The following CACNA1E variants were observed in gnomAD, a reference collection of about 807,000 sequenced individuals.
CACNA1E encodes the protein calcium voltage-gated channel subunit alpha1 E.
In CACNA1E, 40 loss-of-function variants were observed where a neutral mutation model predicts 259.2. That is an observed-to-expected ratio of 0.15 (90% confidence interval 0.12 to 0.20). CACNA1E has a LOEUF of 0.20. CACNA1E is among the 10% of genes least tolerant of loss of function. The pLI is 1.00. For synonymous variants in CACNA1E, 1,104 were observed against 1,138.5 expected (o/e 0.97, Z 0.61); for missense variants, 1,874 against 3,040.1 (o/e 0.62, Z 9.02).
rs557192484 is a variant in CACNA1E at position 181,377,927 on chromosome 1, A to G, written c.-14-35206A>G. Reference sequence around the variant, plus strand: ...ATTCTCTTTGGATTTATTGAAGCCTAACAATGTGCAGGAGCTGCTAGCAAC... The same window carrying G: ...ATTCTCTTTGGATTTATTGAAGCCTGACAATGTGCAGGAGCTGCTAGCAAC... On this transcript the variant is annotated intron_variant, in intron 1 of 11. Coordinates refer to the CACNA1E transcript ENST00000524607. 8.5e-5 allele frequency among the ~76,000 whole-genome samples: 13 copies of G among 152,348 alleles called. No homozygotes were observed. The South Asian group carries it at 1.4e-3, about 17-fold the overall frequency.
chr1:181,806,885 A>C lies in CACNA1E; in HGVS notation c.*8051A>C, dbSNP rs1662662767. 6.6e-6 allele frequency: 1 copy of C among 152,220 alleles called. No homozygotes were observed. The highest frequency in any genetic ancestry group is 1.5e-5 in the Non-Finnish European group (1 of 68,050). The allele number at this position is 152,220 out of a possible 1,614,324, so 9.4% of individuals were successfully genotyped here. A position where few individuals can be genotyped will look rare whatever the true frequency, so the allele number is the denominator to read the frequency against. On this transcript the variant is annotated 3_prime_UTR_variant, in exon 48 of 48. Coordinates refer to ENST00000367573, the MANE Select transcript of CACNA1E (RefSeq NM_001205293.3). ...GCCAGGACCCTCAGGGTAAGCTGGC[A>C]GCAGGCTCTGCAGCTGCACTTAGTT... is the stretch of plus-strand genomic sequence containing the variant.
intron 8 of CACNA1E, among the ~76,000 whole-genome samples, chr1:181,713,526 A>G (rs1242638257): frequency 6.6e-6 from 1 of 152,216 alleles, no homozygotes; most frequent in Non-Finnish European, 1.5e-5. Context: ...CAGCCTTAAA[A>G]TGTTCCCCTC....
At chr1:181,519,658 G>A (rs1315549761) in intron 3 of CACNA1E, among the ~76,000 whole-genome samples, 1 of 152,102 alleles carries the variant, frequency 6.6e-6, no homozygotes, top group Admixed American at 6.6e-5. Context: ...ATGGGGTGTG[G>A]TGAGCTGGGG....
intron 1 of CACNA1E, among the ~76,000 whole-genome samples, chr1:181,345,551 GTGTGACTGCAGGGCTGC>G (rs1652525535): frequency 6.6e-6 from 1 of 152,178 alleles, no homozygotes; most frequent in East Asian, 1.9e-4. Flanking sequence ...GCATGTGGCT[GTGTGACTGCAGGGCTGC>G]TGTTAGAATG....
chr1:181,671,639 C>A (rs568153587), intron 7 of CACNA1E, among the ~76,000 whole-genome samples: 370 of 152,320 alleles, frequency 2.4e-3, no homozygotes, highest in Non-Finnish European at 4.2e-3. Flanking sequence ...GGCTCCCACA[C>A]TATTTCCCTA....
chr1:181,647,881 G>A (rs1019243357), intron 6 of CACNA1E, among the ~76,000 whole-genome samples: 1 of 152,178 alleles, frequency 6.6e-6, no homozygotes, highest in Non-Finnish European at 1.5e-5. Flanking sequence ...GAAACAGGAG[G>A]GAGAGGAGCA....
At chr1:181,559,533 C>T (rs1409948819) in intron 3 of CACNA1E, among the ~76,000 whole-genome samples, 1 of 151,776 alleles carries the variant, frequency 6.6e-6, no homozygotes, top group Non-Finnish European at 1.5e-5. Context: ...AGAGGAGTAG[C>T]CAAAGGAGAA....
intron 3 of CACNA1E, among the ~76,000 whole-genome samples, chr1:181,513,168 T>C (rs1666290388): frequency 6.6e-6 from 1 of 152,206 alleles, no homozygotes. Flanking sequence ...TTTAAATGAT[T>C]ATATGTTCAT....
chr1:181,748,991 T>C (rs530720473), intron 25 of CACNA1E, among the ~76,000 whole-genome samples: 2 of 152,358 alleles, frequency 1.3e-5, no homozygotes, highest in South Asian at 4.1e-4. Context: ...TTCTGTCCTC[T>C]GAACATTTAG....
chr1:181,671,432 C>G (rs571844658), intron 7 of CACNA1E, among the ~76,000 whole-genome samples: 46 of 152,180 alleles, frequency 3.0e-4, no homozygotes, highest in Non-Finnish European at 6.5e-4. Context: ...ATGGCTGAGA[C>G]AGAAAACAAG....
In CACNA1E at chr1:181,494,489, A is replaced by T. The variant is rs1572012927; in HGVS notation, c.266+10479A>T. Among the ~76,000 whole-genome samples the T allele has an allele frequency of 2.0e-5, 3 of 152,292 alleles. No individual in the cohort carries two copies. In the Middle Eastern group the frequency reaches 0.01, roughly 518 times the overall value. On this transcript the variant is annotated intron_variant, in intron 1 of 47. Coordinates refer to ENST00000367573, the MANE Select transcript of CACNA1E (RefSeq NM_001205293.3). ...TCAGGACTCTATGTTTATATCAAGT[A>T]TATTTTATCTCCTTGCTTTTGCTCC...
chr1:181,338,596 C>T (rs1311833479), intron 1 of CACNA1E, among the ~76,000 whole-genome samples: 1 of 149,860 alleles, frequency 6.7e-6, no homozygotes, highest in Non-Finnish European at 1.5e-5. Flanking sequence ...ATATTTTCTA[C>T]CAATAAGTAG....
intron 1 of CACNA1E, among the ~76,000 whole-genome samples, chr1:181,386,661 T>C (rs563265694): frequency 5.9e-5 from 9 of 152,238 alleles, no homozygotes; most frequent in Non-Finnish European, 1.3e-4. Context: ...TTTTAAATTG[T>C]ATTTTATTGA....
At chr1:181,359,274 T>G (rs542393176) in intron 1 of CACNA1E, among the ~76,000 whole-genome samples, 4 of 152,186 alleles carry the variant, frequency 2.6e-5, no homozygotes, top group Admixed American at 2.6e-4. Flanking sequence ...CAAGGCAAAG[T>G]GTACAGCATG....
intron 2 of CACNA1E, among the ~76,000 whole-genome samples, chr1:181,427,343 A>G (rs1571847750): frequency 8.5e-6 from 1 of 118,338 alleles, no homozygotes; most frequent in Non-Finnish European, 1.7e-5. Flanking sequence ...CTCCCATCTC[A>G]ATTCCACCGC....
intron 9 of CACNA1E, among the ~76,000 whole-genome samples, 159 bp from the exon 10 acceptor site, chr1:181,715,881 C>T (rs576188506): frequency 4.6e-5 from 7 of 152,162 alleles, no homozygotes; most frequent in African/African-American, 1.7e-4. Context: ...GGTAGACATC[C>T]GTGATTTCTG....
At chr1:181,526,097 G>A (rs1363657067) in intron 3 of CACNA1E, among the ~76,000 whole-genome samples, 2 of 152,150 alleles carry the variant, frequency 1.3e-5, no homozygotes, top group African/African-American at 4.8e-5. Context: ...GGAAAGGAGA[G>A]CAGAGATTAC....
At chr1:181,796,008 C>T (rs1051976227) in intron 46 of CACNA1E, among the ~76,000 whole-genome samples, 1 of 151,800 alleles carries the variant, frequency 6.6e-6, no homozygotes, top group Non-Finnish European at 1.5e-5. Context: ...ACCTTCCCCC[C>T]AAAAAGTTAT....
chr1:181,617,427 G>T (rs1430542510), intron 6 of CACNA1E, among the ~76,000 whole-genome samples: 1 of 152,180 alleles, frequency 6.6e-6, no homozygotes, highest in Non-Finnish European at 1.5e-5. Context: ...TCTTTGTCAA[G>T]GGTGGAAGGT....
Sources: allele counts gnomAD v4.1 joint callset (sites outside exome capture counted in the v4.1 genomes callset), GRCh38; gene constraint gnomAD v4.1.1; transcripts MANE v1.5; gene names NCBI Gene and HGNC (gene_info 2026-07-23, HGNC 2026-07-21).